Variants in RORA observed in about 807,000 individuals in gnomAD.
The protein encoded by RORA is nuclear receptor ROR-alpha.
Under a neutral mutation model 69.5 loss-of-function variants are expected in RORA, and 7 were observed. The observed-to-expected ratio is 0.10, with a 90% CI of 0.06 to 0.19. RORA has a LOEUF of 0.19. Ranked by LOEUF, RORA falls within the 10% of genes least tolerant of loss-of-function variation. The pLI is 1.00. For missense variants in RORA, 457 were observed against 663.0 expected (o/e 0.69, Z 3.41); for synonymous variants, 261 against 240.8 (o/e 1.08, Z -0.78).
chr15:60,991,412 A>G lies in RORA; in HGVS notation c.166+237641T>C, dbSNP rs148983958. Among the ~76,000 whole-genome samples, 651 of 152,320 alleles carry G rather than the reference A, an allele frequency of 4.3e-3. 9 individuals carry two copies. Among genetic ancestry groups the G allele is most frequent in the African/African-American group, 0.015 (622 of 41,564 alleles). ...TAATAGGCTTCAGTTAGAGAGGTCA[A>G]TAGAGGATGTTTCTGGATCACTTTA... On this transcript the variant is annotated intron_variant, in intron 1 of 10. Transcript: ENST00000335670.
intron 1 of RORA, among the ~76,000 whole-genome samples, chr15:60,973,019 G>C (rs1304634901): frequency 1.3e-5 from 2 of 151,024 alleles, no homozygotes; most frequent in Admixed American, 6.6e-5. Context: ...CAATCAATGA[G>C]GGGCAACTTT....
intron 1 of RORA, among the ~76,000 whole-genome samples, chr15:60,724,553 C>A (rs954028633): frequency 3.3e-5 from 5 of 152,152 alleles, no homozygotes; most frequent in African/African-American, 9.7e-5. Context: ...GACTCAGTAG[C>A]TTTCCCTATT....
At chr15:60,564,852 C>A (rs1300573567) in intron 2 of RORA, among the ~76,000 whole-genome samples, 1 of 152,050 alleles carries the variant, frequency 6.6e-6, no homozygotes, top group Admixed American at 6.6e-5. Flanking sequence ...CCCAATGGCA[C>A]CCGAACGAAA....
At chr15:61,080,866 G>A (rs996620662) in intron 1 of RORA, among the ~76,000 whole-genome samples, 7 of 152,186 alleles carry the variant, frequency 4.6e-5, no homozygotes, top group African/African-American at 1.4e-4. Flanking sequence ...TCTCCTGGGA[G>A]CTGTTTCAGA....
At chr15:60,767,608 C>T (rs2072010129) in intron 1 of RORA, among the ~76,000 whole-genome samples, 1 of 152,214 alleles carries the variant, frequency 6.6e-6, no homozygotes, top group African/African-American at 2.4e-5. Flanking sequence ...ACATTGTCTT[C>T]TCCCACTGAA....
chr15:60,968,914 C>A (rs1404068228), intron 1 of RORA, among the ~76,000 whole-genome samples: 1 of 152,204 alleles, frequency 6.6e-6, no homozygotes, highest in African/African-American at 2.4e-5. Context: ...TGTCATGTCT[C>A]TTCTTCCTCA....
intron 2 of RORA, among the ~76,000 whole-genome samples, chr15:60,674,956 T>C (rs571416511): frequency 7.9e-5 from 12 of 152,140 alleles, no homozygotes; most frequent in Non-Finnish European, 1.6e-4. Context: ...CTGATGCCTC[T>C]GGAAACGGTT....
intron 1 of RORA, among the ~76,000 whole-genome samples, chr15:61,153,097 G>A (rs1195343996): frequency 3.9e-5 from 6 of 152,088 alleles, no homozygotes; most frequent in African/African-American, 7.2e-5. Context: ...AAAAAGTCAC[G>A]AGAGTACACA....
At chr15:60,520,446 TAAAC>T (rs1304493977) in intron 3 of RORA, among the ~76,000 whole-genome samples, 1 of 152,158 alleles carries the variant, frequency 6.6e-6, no homozygotes, top group Non-Finnish European at 1.5e-5. Flanking sequence ...TTTGGAAAAT[TAAAC>T]AGATAAGATA....
chr15:60,641,535 G>A (rs567119435), intron 2 of RORA, among the ~76,000 whole-genome samples: 4 of 151,904 alleles, frequency 2.6e-5, no homozygotes, highest in African/African-American at 4.8e-5. Context: ...TCAGCCTCTC[G>A]AGTAGCTGGG....
At position 61,147,438 on chromosome 15, in the gene RORA, G is replaced by T. The variant is rs1489172693; in HGVS notation, c.166+81615C>A. On this transcript the variant is annotated intron_variant, in intron 1 of 10. Transcript: ENST00000335670. This position sits in a 1 kb window ranked among gnomAD's most constrained non-coding sequence, Gnocchi z 4.1. Reference sequence around the variant, plus strand: ...GAGAGAGGTGGGTAACCCAACAGGTGCAATAGGACTCTGAAGAAGGAATAT... The same window carrying T: ...GAGAGAGGTGGGTAACCCAACAGGTTCAATAGGACTCTGAAGAAGGAATAT... 6.6e-6 allele frequency among the ~76,000 whole-genome samples: 1 copy of T among 152,172 alleles called. No homozygotes were observed. Among genetic ancestry groups the T allele is most frequent in the Non-Finnish European group, 1.5e-5 (1 of 68,030 alleles).
In RORA at chr15:60,722,161, C is replaced by T. The variant is rs538867477; in HGVS notation, c.167-43475G>A. Among the ~76,000 whole-genome samples the T allele has an allele frequency of 2.2e-4, 33 of 152,248 alleles. No individual in the cohort carries two copies. In the South Asian group the frequency reaches 4.8e-3, roughly 22 times the overall value. ...TTTCTCCCTTAACTCCATTCTCTTCCCTTTCAGTTTGTTATTTATTTTCTT... is the reference window on the plus strand; with the variant it reads ...TTTCTCCCTTAACTCCATTCTCTTCTCTTTCAGTTTGTTATTTATTTTCTT... On this transcript the variant is annotated intron_variant, in intron 1 of 10. Coordinates refer to ENST00000335670, the MANE Select transcript of RORA (RefSeq NM_134261.3).
At chr15:61,207,347 GC>G (rs1305384240) in intron 1 of RORA, among the ~76,000 whole-genome samples, 1 of 152,170 alleles carries the variant, frequency 6.6e-6, no homozygotes, top group Non-Finnish European at 1.5e-5. Context: ...AACAGCTGAG[GC>G]TCAAAACATA....
intron 1 of RORA, among the ~76,000 whole-genome samples, chr15:60,728,963 C>T (rs1329160013): frequency 1.3e-5 from 2 of 152,042 alleles, no homozygotes; most frequent in African/African-American, 4.8e-5. Flanking sequence ...TTGAGTTATC[C>T]CATCTGAACA....
intron 1 of RORA, among the ~76,000 whole-genome samples, chr15:61,121,640 T>G (rs2079105531): frequency 6.6e-6 from 1 of 152,134 alleles, no homozygotes. Flanking sequence ...AACAAGACTC[T>G]GGGCATCGCT....
intron 1 of RORA, among the ~76,000 whole-genome samples, chr15:60,865,945 C>T (rs1456967871): frequency 6.6e-6 from 1 of 152,018 alleles, no homozygotes. Context: ...GACAACTTAT[C>T]TTCTTTTATT....
At chr15:60,612,662 T>TCTC (rs1491398248) in intron 2 of RORA, among the ~76,000 whole-genome samples, 1 of 17,432 alleles carries the variant, frequency 5.7e-5, no homozygotes, top group African/African-American at 7.1e-4. Flanking sequence ...TCTCTCTCTG[T>TCTC]TTTTTTTTTT....
At chr15:60,809,711 T>C (rs548602479) in intron 1 of RORA, among the ~76,000 whole-genome samples, 1 of 152,304 alleles carries the variant, frequency 6.6e-6, no homozygotes, top group African/African-American at 2.4e-5. Flanking sequence ...GCTTCTGGTT[T>C]TATGACAATG....
intron 2 of RORA, among the ~76,000 whole-genome samples, chr15:60,668,260 G>A (rs35743558): frequency 0.071 from 10,879 of 152,188 alleles, 508 homozygotes; most frequent in Non-Finnish European, 0.11. Flanking sequence ...ATAATCAGCC[G>A]GAGAGGGACT....
Sources: gnomAD v4.1 joint callset for allele counts (sites outside exome capture counted in the v4.1 genomes callset) on GRCh38, gnomAD v4.1.1 for gene constraint, Gnocchi (gnomAD v3.1) non-coding constraint, MANE v1.5 for transcripts, NCBI Gene and HGNC (gene_info 2026-07-23, HGNC 2026-07-21) for gene names.